The following ASCC3 variants were observed in gnomAD, a reference collection of about 807,000 sequenced individuals.
ASCC3 encodes the protein ASC-1 complex subunit P200.
In ASCC3, 158 loss-of-function variants were observed where a neutral mutation model predicts 256.3. The observed-to-expected ratio is 0.62, with a 90% CI of 0.54 to 0.70. The LOEUF (loss-of-function observed/expected upper bound fraction) is 0.70, where lower values mean the gene tolerates loss of function less well. ASCC3 is among the 30% of genes least tolerant of loss of function. The probability of loss-of-function intolerance (pLI) is 0.00; values close to 1 mark genes in which losing one functional copy is unlikely to be tolerated. For synonymous variants in ASCC3, 948 were observed against 883.4 expected, an observed-to-expected ratio of 1.07 and a Z score of -1.30; for missense variants, 2,259 against 2,626.0, an observed-to-expected ratio of 0.86 and a Z score of 3.05.
intron 37 of ASCC3, among the ~76,000 whole-genome samples, chr6:100,535,865 C>T (rs1235562530): frequency 2.6e-5 from 4 of 152,174 alleles, no homozygotes; most frequent in African/African-American, 9.7e-5. Context: ...ATGCTTATAA[C>T]TTAAAATCGA....
chr6:100,812,315 AAAGC>A (rs1209020333), intron 4 of ASCC3, among the ~76,000 whole-genome samples: 1 of 152,182 alleles, frequency 6.6e-6, no homozygotes, highest in Non-Finnish European at 1.5e-5. Context: ...TAGAGGGAAA[AAAGC>A]AAGCAACAGA....
At chr6:100,520,418 TCTTCTC>T (rs1181961187) in intron 37 of ASCC3, among the ~76,000 whole-genome samples, 6 of 151,634 alleles carry the variant, frequency 4.0e-5, no homozygotes, top group Admixed American at 3.9e-4. Flanking sequence ...AATGTTTCCT[TCTTCTC>T]CTTCTTCTTC....
intron 20 of ASCC3, among the ~76,000 whole-genome samples, chr6:100,648,129 T>A (rs937392050): frequency 6.6e-6 from 1 of 152,110 alleles, no homozygotes; most frequent in Admixed American, 6.6e-5. Flanking sequence ...GAGCATCTAC[T>A]CAAAGCCAGG....
intron 36 of ASCC3, among the ~76,000 whole-genome samples, chr6:100,545,209 G>C (rs1775654516): frequency 6.6e-6 from 1 of 152,034 alleles, no homozygotes; most frequent in Non-Finnish European, 1.5e-5. Context: ...ACGGAGTCTT[G>C]CTCTGTCGCC....
chr6:100,777,815 G>A (rs1010141437), intron 8 of ASCC3, among the ~76,000 whole-genome samples: 2 of 152,102 alleles, frequency 1.3e-5, no homozygotes, highest in Admixed American at 6.6e-5. Context: ...ATTGTAGGTA[G>A]GTCATAGCAA....
At chr6:100,864,441 A>G (rs1158304783) in intron 2 of ASCC3, among the ~76,000 whole-genome samples, 5 of 152,220 alleles carry the variant, frequency 3.3e-5, no homozygotes. Flanking sequence ...GCTTCTTTTT[A>G]CAGTTTTAAT....
At chr6:100,732,276 A>G (rs1779941410) in intron 10 of ASCC3, among the ~76,000 whole-genome samples, 1 of 152,178 alleles carries the variant, frequency 6.6e-6, no homozygotes, top group Non-Finnish European at 1.5e-5. Context: ...AAAAGACTCA[A>G]AATAATAAAA....
At chr6:100,547,912 G>A (rs781737385) in intron 36 of ASCC3, among the ~76,000 whole-genome samples, 11 of 151,816 alleles carry the variant, frequency 7.2e-5, no homozygotes, top group Non-Finnish European at 1.5e-4. Flanking sequence ...TCCATCAACA[G>A]GTGAGAAGGT....
rs1239790619 is a variant in ASCC3 at position 100,509,971 on chromosome 6, A to ACAT, written c.6419_6421dup (p.His2140_Val2141insAsp). The ACAT allele has an allele frequency of 6.2e-7, 1 of 1,614,106 alleles. No homozygotes were observed. The highest frequency in any genetic ancestry group is 8.5e-7 in the Non-Finnish European group (1 of 1,179,960). ...AGGGGTATAAAAAGAAAGGGAAGCAACATGATGATTTCGAATATATCCTAC... is the reference window on the plus strand; with the variant it reads ...AGGGGTATAAAAAGAAAGGGAAGCAACATCATGATGATTTCGAATATATCCTAC... On this transcript the variant is annotated inframe_insertion, in exon 41 of 42. Transcript: ENST00000369162.
chr6:100,568,809 CCT>C (rs978113136), intron 36 of ASCC3, among the ~76,000 whole-genome samples: 2 of 149,694 alleles, frequency 1.3e-5, no homozygotes, highest in Non-Finnish European at 3.0e-5. Flanking sequence ...ACAGAGTCTC[CCT>C]CTGTCGCCCA....
At chr6:100,842,225 T>C (rs952551252) in intron 4 of ASCC3, among the ~76,000 whole-genome samples, 1 of 152,176 alleles carries the variant, frequency 6.6e-6, no homozygotes, top group Admixed American at 6.5e-5. Context: ...AATGTGAATC[T>C]TTCAGTACAG....
At chr6:100,772,233 C>T (rs1781973329) in intron 8 of ASCC3, among the ~76,000 whole-genome samples, 1 of 152,020 alleles carries the variant, frequency 6.6e-6, no homozygotes, top group Non-Finnish European at 1.5e-5. Context: ...ACTAAATGTA[C>T]AATAACTTTA....
In ASCC3 at chr6:100,615,209, G is replaced by A. The variant is rs565680707; in HGVS notation, c.4786-8121C>T. Reference sequence around the variant, plus strand: ...GCTTGTCTTGAAATCCTGACCTCAGGTGATCCACCCAACTCGGCCTCCTGC... The same window carrying A: ...GCTTGTCTTGAAATCCTGACCTCAGATGATCCACCCAACTCGGCCTCCTGC... On this transcript the variant is annotated intron_variant, in intron 30 of 41. Coordinates refer to ENST00000369162, the MANE Select transcript of ASCC3 (RefSeq NM_006828.4). 6.6e-5 allele frequency among the ~76,000 whole-genome samples: 10 copies of A among 152,136 alleles called. No individual in the cohort carries two copies. The East Asian group carries it at 1.7e-3, about 27-fold the overall frequency.
chr6:100,633,139 A>T (rs1415981177), intron 25 of ASCC3, among the ~76,000 whole-genome samples: 1 of 152,178 alleles, frequency 6.6e-6, no homozygotes, highest in Non-Finnish European at 1.5e-5. Flanking sequence ...GTGGTCCAAA[A>T]ATGTTAAATG....
Position 100,650,579 on chromosome 6 carries a change from C to G in ASCC3, c.3211G>C (p.Asp1071His). The part of the protein sequence containing the change: ...LQTYISRGEM[D>H]SFSLISDSAY... ...GAATCTGATATAAGGGAGAAACTGT[C>G]CATTTCTCCTCGGCTGATATAAGTT... Residue 1071 changes from aspartate (D) to histidine (H), a missense_variant, in exon 20 of 42, where the codon GAC becomes CAC. Asp to His is a moderately conservative substitution (Grantham distance 81). Coordinates refer to ENST00000369162, the MANE Select transcript of ASCC3 (RefSeq NM_006828.4). The G allele has an allele frequency of 6.2e-7, 1 of 1,612,726 alleles. No homozygotes were observed. The highest frequency in any genetic ancestry group is 8.5e-7 in the Non-Finnish European group (1 of 1,179,112).
chr6:100,600,518 G>T (rs1259740780), intron 34 of ASCC3, among the ~76,000 whole-genome samples: 1 of 152,094 alleles, frequency 6.6e-6, no homozygotes, highest in East Asian at 1.9e-4. Flanking sequence ...CACCCTAACG[G>T]TGGAGGGAAC....
chr6:100,810,472 T>A (rs1312755901), intron 4 of ASCC3, among the ~76,000 whole-genome samples: 2 of 152,172 alleles, frequency 1.3e-5, no homozygotes, highest in African/African-American at 4.8e-5. Context: ...GCTAATTAAT[T>A]AAGATGTATC....
chr6:100,766,022 T>A (rs1288017191), intron 10 of ASCC3, among the ~76,000 whole-genome samples: 1 of 152,168 alleles, frequency 6.6e-6, no homozygotes, highest in Non-Finnish European at 1.5e-5. Flanking sequence ...TTTTCTTACT[T>A]AGTCATAAGA....
chr6:100,509,209 G>A lies in ASCC3; in HGVS notation c.*177C>T. On this transcript the variant is annotated 3_prime_UTR_variant, in exon 42 of 42. Coordinates refer to ENST00000369162, the MANE Select transcript of ASCC3 (RefSeq NM_006828.4). ...TATAAAAGGCAACATTTGTTAAAAG[G>A]CCACTGTGGTTAACTTTATGTCACT... The A allele has an allele frequency of 1.4e-6, 1 of 740,234 alleles. No homozygotes were observed. Among genetic ancestry groups the A allele is most frequent in the Non-Finnish European group, 2.3e-6 (1 of 436,562 alleles). The allele number at this position is 740,234 out of a possible 1,614,324, so 45.9% of individuals were successfully genotyped here. A position where few individuals can be genotyped will look rare whatever the true frequency, so the allele number is the denominator to read the frequency against.
Sources: allele counts gnomAD v4.1 joint callset (sites outside exome capture counted in the v4.1 genomes callset), GRCh38; gene constraint gnomAD v4.1.1; transcripts MANE v1.5; gene names NCBI Gene and HGNC (gene_info 2026-07-23, HGNC 2026-07-21).